Variants in MRAP2 observed in about 807,000 individuals in gnomAD.
MRAP2 encodes the protein melanocortin 2 receptor accessory protein 2, also known as melanocortin-2 receptor accessory protein 2.
Under a neutral mutation model 17.4 loss-of-function variants are expected in MRAP2, and 20 were observed. The observed-to-expected ratio is 1.15, with a 90% CI of 0.81 to 1.67. The LOEUF (loss-of-function observed/expected upper bound fraction) is 1.67. Among genes scored for constraint, MRAP2 ranks in the 40% most tolerant of loss-of-function variants. MRAP2 has a pLI of 0.00. For synonymous variants in MRAP2, 96 were observed against 88.4 expected (o/e 1.09, Z -0.48); for missense variants, 238 against 240.0 (o/e 0.99, Z 0.05).
chr6:84,097,935 A>G, the MRAP2 span, among the ~76,000 whole-genome samples: 1 of 152,214 alleles, frequency 6.6e-6, no homozygotes. Context: ...GTGGGTCAGG[A>G]CTGAATTGCA....
chr6:84,091,998 G>A (rs144614419), downstream of MRAP2, among the ~76,000 whole-genome samples: 1,588 of 152,224 alleles, frequency 0.01, 33 homozygotes, highest in African/African-American at 0.036. Flanking sequence ...AGTTTCAGTG[G>A]GCTAAAATCA....
chr6:84,056,345 T>G (rs1472572721), intron 2 of MRAP2, among the ~76,000 whole-genome samples: 1 of 152,264 alleles, frequency 6.6e-6, no homozygotes, highest in Non-Finnish European at 1.5e-5. Flanking sequence ...TATCCTGACC[T>G]GTCTTGGCAT....
intron 3 of MRAP2, among the ~76,000 whole-genome samples, chr6:84,085,738 A>G (rs1006849010): frequency 6.6e-6 from 1 of 152,212 alleles, no homozygotes; most frequent in African/African-American, 2.4e-5. Context: ...CAGAAAAGAC[A>G]TGTCTCCAAG....
chr6:84,098,717 A>G, the MRAP2 span, among the ~76,000 whole-genome samples: 2 of 152,182 alleles, frequency 1.3e-5, no homozygotes, highest in Admixed American at 1.3e-4. Context: ...AATGGTATTC[A>G]GCATTTTTTC....
At chr6:84,085,352 C>A (rs2099500151) in intron 3 of MRAP2, among the ~76,000 whole-genome samples, 1 of 152,158 alleles carries the variant, frequency 6.6e-6, no homozygotes, top group South Asian at 2.1e-4. Context: ...CCGCGCCCGG[C>A]CCCTTCATTT....
At chr6:84,125,426 AAGG>A in the MRAP2 span, 9,619 of 688,198 alleles carry the variant, frequency 0.014, 641 homozygotes, top group African/African-American at 0.15. Flanking sequence ...TTCTGTCTTC[AAGG>A]AGTATATACA....
chr6:84,088,887 T>C (rs2099501129), intron 3 of MRAP2, among the ~76,000 whole-genome samples: 1 of 152,176 alleles, frequency 6.6e-6, no homozygotes, highest in Non-Finnish European at 1.5e-5. Context: ...GCCCTCATCT[T>C]GAAGCCTTTG....
the MRAP2 span, among the ~76,000 whole-genome samples, chr6:84,121,383 C>G: frequency 6.6e-5 from 10 of 152,266 alleles, no homozygotes; most frequent in East Asian, 1.9e-3. Context: ...GTGGCTCACA[C>G]CTGTAATCCA....
chr6:84,133,785 A>T, the MRAP2 span, among the ~76,000 whole-genome samples: 1 of 152,136 alleles, frequency 6.6e-6, no homozygotes, highest in Admixed American at 6.5e-5. Context: ...TGGCTAGGAA[A>T]GGGAATTCCC....
the MRAP2 span, among the ~76,000 whole-genome samples, chr6:84,137,450 C>G: frequency 6.6e-6 from 1 of 152,004 alleles, no homozygotes; most frequent in Non-Finnish European, 1.5e-5. Flanking sequence ...TTTGATAATT[C>G]TTATGAGTGG....
At chr6:84,072,155 T>G (rs919754188) in intron 3 of MRAP2, among the ~76,000 whole-genome samples, 6 of 152,200 alleles carry the variant, frequency 3.9e-5, no homozygotes, top group Non-Finnish European at 8.8e-5. Flanking sequence ...AGCCTTGTTT[T>G]GTCATATTAC....
chr6:84,060,095 A>G lies in MRAP2; in HGVS notation c.128-2798A>G, dbSNP rs189321587. Among the ~76,000 whole-genome samples the G allele has an allele frequency of 9.2e-5, 14 of 152,304 alleles. 1 individual carries two copies. The highest frequency in any genetic ancestry group is 9.1e-4 in the Admixed American group (14 of 15,304). ...TAGTGGAAATAACTTGAGGAAGCTA[A>G]ATTTTGTTCAAAGGGAAATGTGAAT... is the stretch of plus-strand genomic sequence containing the variant. On this transcript the variant is annotated intron_variant, in intron 2 of 3. Coordinates refer to ENST00000257776, the MANE Select transcript of MRAP2 (RefSeq NM_138409.4).
chr6:84,126,527 T>A, the MRAP2 span: 6 of 1,476,936 alleles, frequency 4.1e-6, no homozygotes, highest in Non-Finnish European at 5.4e-6. Context: ...AATTGACATA[T>A]GAAGCAAATG....
chr6:84,057,697 C>G (rs2099492038), intron 2 of MRAP2, among the ~76,000 whole-genome samples: 1 of 152,078 alleles, frequency 6.6e-6, no homozygotes, highest in Admixed American at 6.5e-5. Flanking sequence ...CAACAGTGAA[C>G]TGAAAAGACA....
chr6:84,107,049 C>G, the MRAP2 span, among the ~76,000 whole-genome samples: 1 of 152,144 alleles, frequency 6.6e-6, no homozygotes, highest in South Asian at 2.1e-4. Context: ...CTTCCAAAGG[C>G]TCCAAACCGC....
Position 84,042,180 on chromosome 6 carries a change from G to A in MRAP2, c.-8+8297G>A, listed in dbSNP as rs113996455. Among the ~76,000 whole-genome samples, 1,155 of 152,262 alleles carry A rather than the reference G, an allele frequency of 7.6e-3. 16 individuals are homozygous for A. The highest frequency in any genetic ancestry group is 0.027 in the African/African-American group (1,103 of 41,538). On this transcript the variant is annotated intron_variant, in intron 1 of 3. Coordinates refer to ENST00000257776, the MANE Select transcript of MRAP2 (RefSeq NM_138409.4). ...TTTCCCCCTTTTGCTCACACTTCTT[G>A]CTGCCGCCATGTGAAGAAGGATGTG...
the MRAP2 span, among the ~76,000 whole-genome samples, chr6:84,139,928 C>G: frequency 9.8e-6 from 1 of 102,346 alleles, no homozygotes; most frequent in African/African-American, 1.4e-4. Flanking sequence ...CAGCCACCCT[C>G]TCAGGCTGGT....
the MRAP2 span, among the ~76,000 whole-genome samples, chr6:84,127,348 T>A: frequency 1.3e-5 from 2 of 152,184 alleles, no homozygotes; most frequent in South Asian, 2.1e-4. Context: ...TCCCAGTATC[T>A]TACCTACATT....
At chr6:84,061,311 T>A (rs1374622631) in intron 2 of MRAP2, among the ~76,000 whole-genome samples, 3 of 152,216 alleles carry the variant, frequency 2.0e-5, no homozygotes, top group Non-Finnish European at 2.9e-5. Flanking sequence ...CTCATTGTAT[T>A]TCCACATAGA....
Sources: gnomAD v4.1 joint callset for allele counts (sites outside exome capture counted in the v4.1 genomes callset) on GRCh38, gnomAD v4.1.1 for gene constraint, MANE v1.5 for transcripts, NCBI Gene and HGNC (gene_info 2026-07-23, HGNC 2026-07-21) for gene names.